Variants in SP1 observed in about 807,000 individuals in gnomAD.
The protein encoded by SP1 is Sp1 transcription factor.
A neutral mutation model predicts 66.3 loss-of-function variants in SP1; 6 were observed. The ratio of observed to expected loss-of-function variants is 0.09; its 90% CI spans 0.05 to 0.18. The LOEUF (loss-of-function observed/expected upper bound fraction) is 0.18. Among genes scored for constraint, SP1 ranks in the 10% least tolerant of loss-of-function variants. The pLI, the probability that SP1 is intolerant of heterozygous loss-of-function variation, is 1.00. For synonymous variants in SP1, 417 were observed against 360.8 expected, an observed-to-expected ratio of 1.16 and a Z score of -1.77; for missense variants, 848 against 964.5, an observed-to-expected ratio of 0.88 and a Z score of 1.60.
intron 3 of SP1, among the ~76,000 whole-genome samples, chr12:53,403,644 C>T (rs1046275321): frequency 3.3e-5 from 5 of 151,946 alleles, no homozygotes; most frequent in African/African-American, 4.8e-5. Flanking sequence ...CATGAGCCAC[C>T]GTGCCTTCCC....
intron 3 of SP1, among the ~76,000 whole-genome samples, chr12:53,399,997 C>T (rs955818437): frequency 6.6e-6 from 1 of 152,118 alleles, no homozygotes; most frequent in African/African-American, 2.4e-5. Flanking sequence ...ATCTCCTGAC[C>T]TAGTGATCCA....
chr12:53,384,268 T>TTTCTTTTC (rs1317782129), intron 3 of SP1, among the ~76,000 whole-genome samples: 1 of 139,988 alleles, frequency 7.1e-6, no homozygotes, highest in African/African-American at 2.7e-5. Context: ...CGCGCCCGGC[T>TTTCTTTTC]TTCTTTTCTT....
In SP1 at chr12:53,383,307, C is replaced by G; in HGVS notation, c.1360C>G (p.Pro454Ala). The G allele has an allele frequency of 6.2e-7, 1 of 1,614,244 alleles. No individual in the cohort carries two copies. The highest frequency in any genetic ancestry group is 8.5e-7 in the Non-Finnish European group (1 of 1,180,040). ...CTCTGGTCCCATCATCATCCGGACACCAACAGTGGGGCCCAATGGACAGGT... is the reference window on the plus strand; with the variant it reads ...CTCTGGTCCCATCATCATCCGGACAGCAACAGTGGGGCCCAATGGACAGGT... ...PNSGPIIIRT[P>A]TVGPNGQVSW... The change falls in exon 3 of 6, where the codon CCA (proline) becomes GCA (alanine). Residue 454 changes from proline to alanine, a missense_variant. This residue lies in a region of SP1 where 606 missense variants were observed against 589.9 expected (regional missense o/e 1.03). Transcript: ENST00000327443.
chr12:53,388,236 C>G (rs747787670), intron 3 of SP1, among the ~76,000 whole-genome samples: 17 of 152,128 alleles, frequency 1.1e-4, no homozygotes, highest in Non-Finnish European at 5.9e-5. Flanking sequence ...TTCTTCAGAG[C>G]AAACTGTGGG....
chr12:53,400,178 G>C (rs549149521), intron 3 of SP1, among the ~76,000 whole-genome samples: 1 of 152,118 alleles, frequency 6.6e-6, no homozygotes, highest in Non-Finnish European at 1.5e-5. Context: ...CCATTCTCAC[G>C]TTCACTCTCA....
rs1938123607 is a variant in SP1, at chr12:53,382,373, C to T, written c.426C>T (p.Val142=). The part of the protein sequence containing the change: ...NGSESSKNRT[V]SGGQYVVAAA... ...GTGAGTCTTCCAAGAATCGCACAGT[C>T]TCTGGTGGGCAGTATGTTGTGGCTG... Residue 142 remains valine, a synonymous_variant, in exon 3 of 6, where the codon GTC becomes GTT. Coordinates refer to ENST00000327443, the MANE Select transcript of SP1 (RefSeq NM_138473.3). 11 of 1,614,088 alleles carry T rather than the reference C, an allele frequency of 6.8e-6. No individual in the cohort carries two copies. The highest frequency in any genetic ancestry group is 1.7e-5 in the Admixed American group (1 of 59,996).
intron 3 of SP1, among the ~76,000 whole-genome samples, chr12:53,402,802 TA>T (rs1206148527): frequency 1.3e-5 from 2 of 151,742 alleles, no homozygotes; most frequent in African/African-American, 4.8e-5. Flanking sequence ...CCGTCTCTAC[TA>T]AAAAAGTAAA....
In SP1 at chr12:53,411,763, T is replaced by G. The variant is rs1195220842; in HGVS notation, c.*523T>G. The G allele has an allele frequency of 6.6e-6, 1 of 152,102 alleles. No individual in the cohort carries two copies. The highest frequency in any genetic ancestry group is 2.4e-5 in the African/African-American group (1 of 41,340). The allele number at this position is 152,102 out of a possible 1,614,324, so 9.4% of individuals were successfully genotyped here. ...AAATACCTTGGTCATTTTTTTTATA[T>G]TGCCTTATTTCCCTATGGCTGAGCC... On this transcript the variant is annotated 3_prime_UTR_variant, in exon 6 of 6. Coordinates refer to ENST00000327443, the MANE Select transcript of SP1 (RefSeq NM_138473.3).
chr12:53,406,800 A>G (rs765774645), intron 4 of SP1, 47 bp downstream of exon 4: 2 of 1,492,806 alleles, frequency 1.3e-6, no homozygotes, highest in Non-Finnish European at 9.1e-7. Flanking sequence ...AAAAATTAAT[A>G]GATTTGGAGA....
chr12:53,382,219 G>T lies in SP1; in HGVS notation c.272G>T (p.Gly91Val). The change falls in exon 3 of 6, where the codon GGT (glycine) becomes GTT (valine). Residue 91 changes from glycine (G) to valine (V), a missense_variant. Transcript: ENST00000327443. ...GGCCCGAGTCAGTCAGGGGGAACAG[G>T]TGAGCTTGACCTCACAGCCACACAA... The part of the protein sequence containing the change: ...SQGPSQSGGT[G>V]ELDLTATQLS... 6.2e-7 allele frequency: 1 copy of T among 1,614,186 alleles called. No individual in the cohort carries two copies. The highest frequency in any genetic ancestry group is 8.5e-7 in the Non-Finnish European group (1 of 1,180,044).
At chr12:53,396,030 G>C (rs1319842207) in intron 3 of SP1, among the ~76,000 whole-genome samples, 3 of 152,092 alleles carry the variant, frequency 2.0e-5, no homozygotes, top group Non-Finnish European at 2.9e-5. Flanking sequence ...TGAGGCGGGA[G>C]AATCACCTGA....
chr12:53,412,863 GTCTC>G lies in SP1; in HGVS notation c.*1628_*1631del, dbSNP rs1481423762. ...CTCAAGGCCCAGCCATAAAAGCATT[GTCTC>G]TCTCGACCTTCTGGTATCTTGTTAG... On this transcript the variant is annotated 3_prime_UTR_variant, in exon 6 of 6. Coordinates refer to ENST00000327443, the MANE Select transcript of SP1 (RefSeq NM_138473.3). The G allele has an allele frequency of 6.6e-6, 1 of 152,366 alleles. No individual in the cohort carries two copies. The highest frequency in any genetic ancestry group is 1.9e-4 in the East Asian group (1 of 5,196). 9.4% of individuals were successfully genotyped at this position (152,366 alleles called of 1,614,324 possible).
rs535151296 is a variant in SP1 at position 53,381,984 on chromosome 12, G to A, written c.163-126G>A. On this transcript the variant is annotated intron_variant, in intron 2 of 5. Coordinates refer to ENST00000327443, the MANE Select transcript of SP1 (RefSeq NM_138473.3). ...AAAGGAGTTTCAGCAATACAGATAG[G>A]TCAGCTTTTTGTTTCTGTTTTTTGC... The A allele has an allele frequency of 4.6e-5, 53 of 1,142,470 alleles. No homozygotes were observed. The South Asian group carries it at 7.0e-4, about 15-fold the overall frequency. 70.8% of individuals were successfully genotyped at this position (1,142,470 alleles called of 1,614,324 possible). A position where few individuals can be genotyped will look rare whatever the true frequency, so the allele number is the denominator to read the frequency against.
At chr12:53,392,651 C>G (rs1938381993) in intron 3 of SP1, among the ~76,000 whole-genome samples, 1 of 151,866 alleles carries the variant, frequency 6.6e-6, no homozygotes, top group Non-Finnish European at 1.5e-5. Context: ...GCCACCGCGC[C>G]CGGCCTAATT....
chr12:53,409,636 C>T (rs1013342886), intron 5 of SP1, 75 bp downstream of exon 5: 4 of 1,213,566 alleles, frequency 3.3e-6, no homozygotes, highest in African/African-American at 3.0e-5. Flanking sequence ...TACAAAATAA[C>T]TAAAATTTCT....
chr12:53,410,783 A>G (rs535376105), intron 5 of SP1, 144 bp from the exon 6 acceptor site: 9 of 684,036 alleles, frequency 1.3e-5, no homozygotes, highest in East Asian at 2.5e-5. Context: ...GTGAGCCACC[A>G]CGCCCAGCCA....
At chr12:53,386,583 C>T (rs1185357140) in intron 3 of SP1, among the ~76,000 whole-genome samples, 1 of 148,844 alleles carries the variant, frequency 6.7e-6, no homozygotes, top group Non-Finnish European at 1.5e-5. Context: ...CCTCCCCTTC[C>T]TGAGTTCCAG....
chr12:53,408,736 C>G (rs536370402), intron 4 of SP1, among the ~76,000 whole-genome samples: 23 of 151,500 alleles, frequency 1.5e-4, no homozygotes. Context: ...GAAACCCCGT[C>G]TCTACTAAAA....
At position 53,414,963 on chromosome 12, in the gene SP1, C is replaced by G. The variant is rs966924568; in HGVS notation, c.*3723C>G. 6.6e-6 allele frequency: 1 copy of G among 152,546 alleles called. No individual in the cohort carries two copies. Among genetic ancestry groups the G allele is most frequent in the African/African-American group, 2.4e-5 (1 of 41,400 alleles). 9.4% of individuals were successfully genotyped at this position (152,546 alleles called of 1,614,324 possible). On this transcript the variant is annotated 3_prime_UTR_variant, in exon 6 of 6. Coordinates refer to ENST00000327443, the MANE Select transcript of SP1 (RefSeq NM_138473.3). ...CTCAAGTGAGGGGCCCTTTGCATAGCTCTCCTTCCCCCTCACTGAAGCTGG... is the reference window on the plus strand; with the variant it reads ...CTCAAGTGAGGGGCCCTTTGCATAGGTCTCCTTCCCCCTCACTGAAGCTGG...
Sources: allele counts gnomAD v4.1 joint callset (sites outside exome capture counted in the v4.1 genomes callset), GRCh38; gene constraint gnomAD v4.1.1; regional missense constraint gnomAD v4.1.1; transcripts MANE v1.5; gene names NCBI Gene and HGNC (gene_info 2026-07-23, HGNC 2026-07-21).